LLGL2: variants seen among roughly 807,000 people sequenced by gnomAD.
LLGL2 encodes LLGL scribble cell polarity complex component 2, also known as LLGL2, scribble cell polarity complex component.
In LLGL2, 81 loss-of-function variants were observed where a neutral mutation model predicts 123.2. That is an observed-to-expected ratio of 0.66 (90% CI 0.55 to 0.79). The LOEUF is 0.79. Ranked by LOEUF, LLGL2 falls within the 30% of genes least tolerant of loss-of-function variation. The pLI is 0.00. For missense variants in LLGL2, 1,273 were observed against 1,414.6 expected, an observed-to-expected ratio of 0.90 and a Z score of 1.61; for synonymous variants, 577 against 594.1, an observed-to-expected ratio of 0.97 and a Z score of 0.42.
chr17:75,572,441 A>C (rs966074803), intron 19 of LLGL2, among the ~76,000 whole-genome samples: 1 of 152,216 alleles, frequency 6.6e-6, no homozygotes, highest in African/African-American at 2.4e-5. Context: ...AGGCGGGCAG[A>C]TCACAAGGTC....
Position 75,564,589 on chromosome 17 carries a change from G to A in LLGL2, c.1036+82G>A. The A allele has an allele frequency of 1.3e-6, 2 of 1,579,700 alleles. No homozygotes were observed. The highest frequency in any genetic ancestry group is 1.7e-6 in the Non-Finnish European group (2 of 1,158,002). ...ACCATCAGTAAAGACAGGGCCAGGT[G>A]CAGTGGCTCCTGCCTGTAACCCCAG... is the stretch of plus-strand genomic sequence containing the variant. On this transcript the variant is annotated intron_variant, in intron 10 of 25. Coordinates refer to ENST00000392550, the MANE Select transcript of LLGL2 (RefSeq NM_001031803.2). This position sits in a 1 kb window ranked among gnomAD's most constrained non-coding sequence, Gnocchi z 4.9.
At chr17:75,535,678 C>T (rs977310302) in intron 1 of LLGL2, among the ~76,000 whole-genome samples, 15 of 152,196 alleles carry the variant, frequency 9.9e-5, no homozygotes, top group Non-Finnish European at 1.2e-4. Context: ...CCACTTAGAG[C>T]GAGGGGGGCC....
intron 14 of LLGL2, 101 bp from the exon 15 acceptor site, chr17:75,569,862 G>T: frequency 1.6e-6 from 2 of 1,265,408 alleles, no homozygotes; most frequent in Non-Finnish European, 2.2e-6. Context: ...GTCCTTCCTT[G>T]AGCCTTGGGC....
At chr17:75,526,086 C>T (rs957616144) in intron 1 of LLGL2, among the ~76,000 whole-genome samples, 1 of 152,164 alleles carries the variant, frequency 6.6e-6, no homozygotes, top group African/African-American at 2.4e-5. Context: ...ATAATGTTGG[C>T]TTAGGAGAGC....
Position 75,573,539 on chromosome 17 carries a change from G to T in LLGL2, c.2784G>T (p.Leu928=). 1 of 1,612,930 alleles carries T rather than the reference G, an allele frequency of 6.2e-7. No homozygotes were observed. The highest frequency in any genetic ancestry group is 1.1e-5 in the South Asian group (1 of 91,084). ...GCTTCTCTCTCTCCACCAAGTGGCT[G>T]GTGGAGCCCCGGTGTCTGGTGGATT... is the stretch of plus-strand genomic sequence containing the variant. ...FERFSLSTKW[L]VEPRCLVDSA... is the part of the protein sequence containing the mutation. Residue 928 remains leucine (L), a synonymous_variant, in exon 21 of 26, where the codon CTG becomes CTT. Transcript: ENST00000392550.
At chr17:75,532,976 T>C (rs2053858187) in intron 1 of LLGL2, among the ~76,000 whole-genome samples, 1 of 152,174 alleles carries the variant, frequency 6.6e-6, no homozygotes, top group African/African-American at 2.4e-5. Context: ...CTAGTCAGTC[T>C]TAACTGTTCG....
intron 20 of LLGL2, 98 bp from the exon 21 acceptor site, chr17:75,573,383 G>A (rs923555727): frequency 5.0e-5 from 77 of 1,553,844 alleles, no homozygotes; most frequent in Non-Finnish European, 6.0e-5. Flanking sequence ...GGCCTTAAGC[G>A]GAGAACTGCG....
intron 6 of LLGL2, among the ~76,000 whole-genome samples, chr17:75,561,261 G>A (rs536733764): frequency 6.6e-6 from 1 of 152,308 alleles, no homozygotes; most frequent in Non-Finnish European, 1.5e-5. Context: ...AATGATCATT[G>A]TAGGGCTGTT....
At chr17:75,535,944 A>C (rs2053985016) in intron 1 of LLGL2, among the ~76,000 whole-genome samples, 1 of 152,226 alleles carries the variant, frequency 6.6e-6, no homozygotes. Flanking sequence ...TCAGCTGCCC[A>C]CAGGGAGCTC....
chr17:75,536,675 TAAAC>T (rs1175915205), intron 1 of LLGL2, among the ~76,000 whole-genome samples: 1 of 152,122 alleles, frequency 6.6e-6, no homozygotes, highest in African/African-American at 2.4e-5. Flanking sequence ...AGGAGGCAGA[TAAAC>T]AAAAAGGAGA....
At chr17:75,563,592 G>T in intron 8 of LLGL2, 129 bp downstream of exon 8, 1 of 1,497,526 alleles carries the variant, frequency 6.7e-7, no homozygotes. Context: ...ACACAGCAGG[G>T]TTCGCCTCAC....
At chr17:75,565,472 C>T (rs1175841891) in intron 10 of LLGL2, among the ~76,000 whole-genome samples, 1 of 152,226 alleles carries the variant, frequency 6.6e-6, no homozygotes, top group Non-Finnish European at 1.5e-5. Context: ...CTCAGCCTCT[C>T]CTCCCTCCTC....
intron 6 of LLGL2, among the ~76,000 whole-genome samples, chr17:75,561,156 C>T (rs2055201240): frequency 3.9e-5 from 6 of 152,042 alleles, no homozygotes; most frequent in Admixed American, 3.9e-4. Context: ...AAATTCTCGT[C>T]CTCTTGATGA....
At chr17:75,566,202 G>A (rs1020268454) in intron 10 of LLGL2, among the ~76,000 whole-genome samples, 4 of 152,234 alleles carry the variant, frequency 2.6e-5, no homozygotes, top group Admixed American at 2.0e-4. Flanking sequence ...TGGTCCAGAT[G>A]TGGCCAGCGC....
chr17:75,573,723 G>A, intron 21 of LLGL2, 92 bp downstream of exon 21: 2 of 1,382,136 alleles, frequency 1.4e-6, no homozygotes, highest in Non-Finnish European at 9.8e-7. Context: ...CTGGCTGGAG[G>A]CACCTCCCCA....
intron 2 of LLGL2, among the ~76,000 whole-genome samples, chr17:75,550,801 A>C (rs571609480): frequency 0.01 from 1,322 of 130,970 alleles, 12 homozygotes; most frequent in Non-Finnish European, 0.016. Context: ...AAAAAAAAAA[A>C]AAACACACAC....
intron 20 of LLGL2, 83 bp downstream of exon 20, chr17:75,573,361 C>T (rs1397919953): frequency 6.4e-7 from 1 of 1,552,836 alleles, no homozygotes; most frequent in Non-Finnish European, 8.8e-7. Context: ...GTGGCCACGG[C>T]CAGACTGGAT....
At chr17:75,541,684 G>A (rs1418105206) in intron 1 of LLGL2, among the ~76,000 whole-genome samples, 3 of 139,956 alleles carry the variant, frequency 2.1e-5, no homozygotes, top group Non-Finnish European at 3.1e-5. Context: ...TGACCGTGCA[G>A]ATCCTTTCAC....
At position 75,564,289 on chromosome 17, in the gene LLGL2, G is replaced by C. The variant is rs528003323; in HGVS notation, c.882-64G>C. The C allele has an allele frequency of 2.6e-6, 4 of 1,546,258 alleles. No individual in the cohort carries two copies. The South Asian group carries it at 3.7e-5, about 14-fold the overall frequency. ...TGACTGAGTGGTGACTTTGATTGCC[G>C]GCCTGTGGCTGTTGAGGCTGTGCCA... On this transcript the variant is annotated intron_variant, in intron 9 of 25. Transcript: ENST00000392550. The surrounding 1 kb of genome is among the most constrained non-coding windows in gnomAD (Gnocchi z 4.9).
Sources: gnomAD v4.1 joint callset for allele counts (sites outside exome capture counted in the v4.1 genomes callset) on GRCh38, gnomAD v4.1.1 for gene constraint, Gnocchi (gnomAD v3.1) non-coding constraint, MANE v1.5 for transcripts, NCBI Gene and HGNC (gene_info 2026-07-23, HGNC 2026-07-21) for gene names.